TAFA5: variants seen among roughly 807,000 people sequenced by gnomAD.
TAFA5 encodes chemokine-like protein TAFA-5.
TAFA5 carries 6 observed loss-of-function variants against 15.3 expected under a neutral mutation model. That is an observed-to-expected ratio of 0.39 (90% CI 0.21 to 0.77). The LOEUF (loss-of-function observed/expected upper bound fraction) is 0.77. Among genes scored for constraint, TAFA5 ranks in the 30% least tolerant of loss-of-function variants. The pLI is 0.41. For synonymous variants in TAFA5, 103 were observed against 80.7 expected, an observed-to-expected ratio of 1.28 and a Z score of -1.48; for missense variants, 161 against 193.1, an observed-to-expected ratio of 0.83 and a Z score of 0.98.
rs185245052 is a variant in TAFA5, at chr22:48,560,701, C to T, written c.112+70997C>T. Among the ~76,000 whole-genome samples the T allele has an allele frequency of 4.4e-4, 67 of 152,016 alleles. No individual in the cohort carries two copies. The highest frequency in any genetic ancestry group is 1.5e-3 in the African/African-American group (61 of 41,454). The stretch of plus-strand genomic sequence containing the variant: ...TCGGCTCACTGCATCCTCTGCCTCC[C>T]GGGTTCAAGCAATTCTCCCGCCTCA... On this transcript the variant is annotated intron_variant, in intron 1 of 3. Transcript: ENST00000402357. This position sits in a 1 kb window ranked among gnomAD's most constrained non-coding sequence, Gnocchi z 4.2.
intron 2 of TAFA5, among the ~76,000 whole-genome samples, chr22:48,685,713 C>G (rs1928331942): frequency 6.6e-6 from 1 of 151,772 alleles, no homozygotes; most frequent in African/African-American, 2.4e-5. Context: ...ATGGGGGTGT[C>G]TGTTCAGTTG....
At chr22:48,623,712 C>T (rs774847265) in intron 1 of TAFA5, among the ~76,000 whole-genome samples, 4 of 152,358 alleles carry the variant, frequency 2.6e-5, no homozygotes, top group East Asian at 1.9e-4. Flanking sequence ...CACGGCGGCC[C>T]GAGGCCTCTG....
At chr22:48,516,016 G>A (rs133502) in intron 1 of TAFA5, among the ~76,000 whole-genome samples, 44,335 of 151,638 alleles carry the variant, frequency 0.29, 6,785 homozygotes, top group Middle Eastern at 0.35. Flanking sequence ...CCTGTGCGCC[G>A]CCTTCACCGC....
intron 3 of TAFA5, 94 bp from the exon 4 acceptor site, chr22:48,749,744 TG>T: frequency 7.0e-7 from 1 of 1,433,454 alleles, no homozygotes; most frequent in Non-Finnish European, 9.6e-7. Context: ...GGAGGCCGGC[TG>T]GCAGGAGCCG....
chr22:48,500,568 G>A (rs765189256), intron 1 of TAFA5, among the ~76,000 whole-genome samples: 2 of 152,244 alleles, frequency 1.3e-5, no homozygotes, highest in Non-Finnish European at 2.9e-5. Flanking sequence ...GGAAGGCGCC[G>A]GGCCCGCAGG....
intron 1 of TAFA5, chr22:48,576,239 C>G: frequency 2.4e-6 from 1 of 419,546 alleles, no homozygotes; most frequent in Non-Finnish European, 3.7e-6. Context: ...CTGCTAACCT[C>G]CCCGCCCCCG....
At chr22:48,709,309 A>G (rs902619994) in intron 3 of TAFA5, among the ~76,000 whole-genome samples, 2 of 152,160 alleles carry the variant, frequency 1.3e-5, no homozygotes, top group Non-Finnish European at 2.9e-5. Flanking sequence ...GCAGAAGCAA[A>G]TGATTCCGTC....
At chr22:48,641,337 G>A (rs1473278895) in intron 1 of TAFA5, among the ~76,000 whole-genome samples, 2 of 152,158 alleles carry the variant, frequency 1.3e-5, no homozygotes, top group African/African-American at 2.4e-5. Context: ...TATGCAGCCC[G>A]ACAGAAAGTC....
chr22:48,669,213 C>T (rs1448424678), intron 2 of TAFA5, among the ~76,000 whole-genome samples: 1 of 152,238 alleles, frequency 6.6e-6, no homozygotes, highest in African/African-American at 2.4e-5. Flanking sequence ...GTGTCTAAGC[C>T]CCCCAGCGTG....
chr22:48,606,786 C>T (rs986782742), intron 1 of TAFA5, among the ~76,000 whole-genome samples: 1 of 152,170 alleles, frequency 6.6e-6, no homozygotes, highest in Non-Finnish European at 1.5e-5. Context: ...AGGGGAGACA[C>T]GCTCTTGGTG....
At chr22:48,662,513 G>T (rs1479824746) in intron 2 of TAFA5, among the ~76,000 whole-genome samples, 1 of 151,974 alleles carries the variant, frequency 6.6e-6, no homozygotes, top group African/African-American at 2.4e-5. Flanking sequence ...AGGCGGTGGG[G>T]CTCCAGTAGA....
At chr22:48,574,301 G>C (rs1294866218) in intron 1 of TAFA5, among the ~76,000 whole-genome samples, 1 of 152,056 alleles carries the variant, frequency 6.6e-6, no homozygotes, top group Non-Finnish European at 1.5e-5. Context: ...GGCAGGTGGA[G>C]GGTGATGAGC....
chr22:48,661,218 G>A (rs550674897), intron 2 of TAFA5, among the ~76,000 whole-genome samples: 48 of 152,328 alleles, frequency 3.2e-4, no homozygotes, highest in Middle Eastern at 3.4e-3. Flanking sequence ...GTGGCCACCT[G>A]GCACAGTGTC....
At chr22:48,740,725 G>C (rs1437853773) in intron 3 of TAFA5, among the ~76,000 whole-genome samples, 1 of 152,158 alleles carries the variant, frequency 6.6e-6, no homozygotes, top group Non-Finnish European at 1.5e-5. Flanking sequence ...GCCCAGCCCT[G>C]GTGTTGGGGG....
chr22:48,538,058 C>T (rs147347831), intron 1 of TAFA5, among the ~76,000 whole-genome samples: 16 of 152,284 alleles, frequency 1.1e-4, no homozygotes, highest in African/African-American at 2.9e-4. Flanking sequence ...GTGGATGCTC[C>T]GGGTTTTAGG....
At chr22:48,654,590 G>A (rs1927172411) in intron 2 of TAFA5, among the ~76,000 whole-genome samples, 1 of 152,236 alleles carries the variant, frequency 6.6e-6, no homozygotes, top group Non-Finnish European at 1.5e-5. Flanking sequence ...TCGTCCTGTT[G>A]GGCCCCTCTG....
At chr22:48,715,123 C>T (rs4988655) in intron 3 of TAFA5, among the ~76,000 whole-genome samples, 1 of 152,308 alleles carries the variant, frequency 6.6e-6, no homozygotes, top group South Asian at 2.1e-4. Flanking sequence ...CCCCAGTGGA[C>T]ATGAACTTTG....
chr22:48,691,270 C>T (rs1053758415), intron 2 of TAFA5, among the ~76,000 whole-genome samples: 3 of 152,178 alleles, frequency 2.0e-5, no homozygotes, highest in African/African-American at 7.2e-5. Flanking sequence ...CGCCTCCTCT[C>T]GTGGCTGTAA....
At chr22:48,669,107 C>T (rs917154319) in intron 2 of TAFA5, among the ~76,000 whole-genome samples, 7 of 152,206 alleles carry the variant, frequency 4.6e-5, no homozygotes, top group African/African-American at 1.7e-4. Flanking sequence ...CAGGAGGCAC[C>T]GTCTGTGAAC....
Sources: gnomAD v4.1 joint callset for allele counts (sites outside exome capture counted in the v4.1 genomes callset) on GRCh38, gnomAD v4.1.1 for gene constraint, Gnocchi (gnomAD v3.1) non-coding constraint, MANE v1.5 for transcripts, NCBI Gene and HGNC (gene_info 2026-07-23, HGNC 2026-07-21) for gene names.